Variants in PRKN observed in about 807,000 individuals in gnomAD.
PRKN encodes E3 ubiquitin-protein ligase parkin.
PRKN carries 56 observed loss-of-function variants against 59.5 expected under a neutral mutation model. The ratio of observed to expected loss-of-function variants is 0.94; its 90% CI spans 0.76 to 1.18. The LOEUF is 1.18. Among genes scored for constraint, PRKN ranks in the 50% most tolerant of loss-of-function variants. PRKN has a pLI of 0.00. For missense variants in PRKN, 657 were observed against 596.4 expected, an observed-to-expected ratio of 1.10 and a Z score of -1.06; for synonymous variants, 250 against 222.1, an observed-to-expected ratio of 1.13 and a Z score of -1.12.
At chr6:162,709,527 A>C (rs1778452040) in intron 1 of PRKN, among the ~76,000 whole-genome samples, 1 of 152,142 alleles carries the variant, frequency 6.6e-6, no homozygotes. Context: ...CCTTAGTTGC[A>C]ATGCAAACTC....
chr6:161,912,693 A>G (rs1240222480), intron 6 of PRKN, among the ~76,000 whole-genome samples: 3 of 152,036 alleles, frequency 2.0e-5, no homozygotes, highest in South Asian at 2.1e-4. Flanking sequence ...GCCCCAGTCA[A>G]GCCATTCCAG....
chr6:161,386,737 C>A lies in PRKN; in HGVS notation c.1167+57G>T, dbSNP rs1786268300. On this transcript the variant is annotated intron_variant, in intron 10 of 11. Transcript: ENST00000366898. This position sits in a 1 kb window ranked among gnomAD's most constrained non-coding sequence, Gnocchi z 4.3. ...TCTCCATGACCTCCAGGAAACGGCT[C>A]CAGTCCCCCACTGTATCCGGAGCCC... 1 of 1,345,014 alleles carries A rather than the reference C, an allele frequency of 7.4e-7. No individual in the cohort carries two copies. The highest frequency in any genetic ancestry group is 1.7e-5 in the Admixed American group (1 of 59,692). 83.3% of individuals were successfully genotyped at this position (1,345,014 alleles called of 1,614,324 possible). A position where few individuals can be genotyped will look rare whatever the true frequency, so the allele number is the denominator to read the frequency against.
intron 7 of PRKN, among the ~76,000 whole-genome samples, chr6:161,660,368 A>G (rs188979124): frequency 2.2e-4 from 33 of 152,326 alleles, no homozygotes; most frequent in African/African-American, 5.5e-4. Flanking sequence ...GTTAGTACTA[A>G]TAAGGGCCAG....
chr6:162,425,451 T>A (rs1377764240), intron 2 of PRKN, among the ~76,000 whole-genome samples: 3 of 152,120 alleles, frequency 2.0e-5, no homozygotes, highest in Non-Finnish European at 4.4e-5. Context: ...TGTACAGATA[T>A]CATTAAATTA....
chr6:161,684,149 A>T (rs1002261273), intron 7 of PRKN, among the ~76,000 whole-genome samples: 3 of 152,238 alleles, frequency 2.0e-5, no homozygotes, highest in African/African-American at 7.2e-5. Context: ...GTTATTCTTG[A>T]AAGTGGTCTA....
intron 4 of PRKN, among the ~76,000 whole-genome samples, chr6:162,142,231 T>C (rs1781818668): frequency 1.3e-5 from 2 of 152,122 alleles, no homozygotes. Context: ...CAACCCCAGG[T>C]CATGGGGTTA....
intron 2 of PRKN, among the ~76,000 whole-genome samples, chr6:162,339,483 G>T (rs1460787782): frequency 1.4e-5 from 2 of 145,948 alleles, no homozygotes; most frequent in African/African-American, 5.0e-5. Context: ...GAGCCCCTCT[G>T]CCCGGCCAGC....
At chr6:162,589,504 T>C (rs1275591756) in intron 1 of PRKN, among the ~76,000 whole-genome samples, 1 of 151,472 alleles carries the variant, frequency 6.6e-6, no homozygotes, top group South Asian at 2.1e-4. Flanking sequence ...ATAAGTACAC[T>C]TTTTTTTTGT....
At chr6:162,307,377 G>T (rs1782279759) in intron 2 of PRKN, among the ~76,000 whole-genome samples, 1 of 150,116 alleles carries the variant, frequency 6.7e-6, no homozygotes, top group Non-Finnish European at 1.5e-5. Context: ...TCCAGCCTGG[G>T]CGGCAAAGAG....
intron 2 of PRKN, among the ~76,000 whole-genome samples, chr6:162,292,851 A>C (rs1012507227): frequency 4.6e-5 from 7 of 152,142 alleles, no homozygotes; most frequent in African/African-American, 1.7e-4. Context: ...TCTTTCTGGG[A>C]TCTCCTACAG....
intron 11 of PRKN, among the ~76,000 whole-genome samples, chr6:161,350,580 T>A (rs867810222): frequency 4.5e-4 from 61 of 137,056 alleles, no homozygotes; most frequent in African/African-American, 1.6e-3. Flanking sequence ...ATATTTAAAA[T>A]ATATAAATAT....
intron 6 of PRKN, among the ~76,000 whole-genome samples, chr6:161,909,418 C>A (rs953199529): frequency 6.6e-6 from 1 of 151,832 alleles, no homozygotes; most frequent in Admixed American, 6.6e-5. Flanking sequence ...TTTTGTGTAA[C>A]AATAAAAATC....
intron 7 of PRKN, among the ~76,000 whole-genome samples, chr6:161,687,699 G>A (rs1280830840): frequency 1.3e-5 from 2 of 151,706 alleles, no homozygotes; most frequent in Non-Finnish European, 2.9e-5. Flanking sequence ...CTGATGATCC[G>A]CCTGCCTCAG....
At chr6:162,149,099 T>A (rs371956220) in intron 4 of PRKN, among the ~76,000 whole-genome samples, 1 of 152,190 alleles carries the variant, frequency 6.6e-6, no homozygotes, top group Non-Finnish European at 1.5e-5. Flanking sequence ...TCTGCGGCTG[T>A]CACCATCTCC....
chr6:161,783,713 A>G, intron 7 of PRKN: 1 of 497,128 alleles, frequency 2.0e-6, no homozygotes, highest in Non-Finnish European at 3.9e-6. Context: ...CATTAAAAGC[A>G]TTACAGAGTT....
chr6:162,340,190 G>A (rs899282144), intron 2 of PRKN, among the ~76,000 whole-genome samples: 11 of 148,398 alleles, frequency 7.4e-5, no homozygotes, highest in South Asian at 2.1e-4. Flanking sequence ...ATTTTATTTC[G>A]TGAGAACCAA....
chr6:161,418,613 G>A (rs1457989567), intron 9 of PRKN, among the ~76,000 whole-genome samples: 5 of 152,230 alleles, frequency 3.3e-5, no homozygotes, highest in Admixed American at 1.3e-4. Flanking sequence ...AACCATACCC[G>A]AAAGGCAAGG....
chr6:161,398,855 G>A (rs1027508714), intron 9 of PRKN, among the ~76,000 whole-genome samples: 3 of 152,136 alleles, frequency 2.0e-5, no homozygotes, highest in Admixed American at 2.0e-4. Context: ...GGAGGTTACA[G>A]ACAGGAGACA....
At chr6:161,504,527 C>CTTTT (rs66831164) in intron 9 of PRKN, among the ~76,000 whole-genome samples, 13,554 of 149,210 alleles carry the variant, frequency 0.091, 697 homozygotes, top group African/African-American at 0.15. Flanking sequence ...GTGAAACTTT[C>CTTTT]TTTTTTATTA....
Sources: gnomAD v4.1 joint callset for allele counts (sites outside exome capture counted in the v4.1 genomes callset) on GRCh38, gnomAD v4.1.1 for gene constraint, Gnocchi (gnomAD v3.1) non-coding constraint, MANE v1.5 for transcripts, NCBI Gene and HGNC (gene_info 2026-07-23, HGNC 2026-07-21) for gene names.